The following SH3GL1 variants were observed in gnomAD, a reference collection of about 807,000 sequenced individuals.
SH3GL1 encodes endophilin-A2.
A neutral mutation model predicts 48.8 loss-of-function variants in SH3GL1; 21 were observed. The observed-to-expected ratio is 0.43, with a 90% confidence interval of 0.30 to 0.62. SH3GL1 has a LOEUF of 0.62. SH3GL1 is among the 20% of genes least tolerant of loss of function. SH3GL1 has a pLI of 0.11. For synonymous variants in SH3GL1, 282 were observed against 217.5 expected, an observed-to-expected ratio of 1.30 and a Z score of -2.61; for missense variants, 454 against 503.0, an observed-to-expected ratio of 0.90 and a Z score of 0.93.
intron 1 of SH3GL1, among the ~76,000 whole-genome samples, chr19:4,391,064 A>C (rs1973329165): frequency 6.6e-6 from 1 of 152,228 alleles, no homozygotes; most frequent in African/African-American, 2.4e-5. Flanking sequence ...ACACAGAGAC[A>C]CAGGCAGGTC....
At chr19:4,370,025 G>A (rs933173664) in intron 1 of SH3GL1, among the ~76,000 whole-genome samples, 23 of 107,436 alleles carry the variant, frequency 2.1e-4, no homozygotes, top group Admixed American at 8.9e-4. Flanking sequence ...TACTCACTGC[G>A]GTCTCCACAC....
At chr19:4,391,506 C>T (rs1973336805) in intron 1 of SH3GL1, among the ~76,000 whole-genome samples, 1 of 152,212 alleles carries the variant, frequency 6.6e-6, no homozygotes, top group African/African-American at 2.4e-5. Flanking sequence ...CAGCCCTTGA[C>T]TTGTTCTGGG....
intron 1 of SH3GL1, chr19:4,395,705 A>G (rs1973413249): frequency 6.6e-6 from 1 of 151,976 alleles, no homozygotes. Context: ...CAGGAGTTCA[A>G]CACCAGCCTG....
At chr19:4,383,926 G>A (rs1184370048) in intron 1 of SH3GL1, among the ~76,000 whole-genome samples, 11 of 152,202 alleles carry the variant, frequency 7.2e-5, no homozygotes, top group African/African-American at 2.7e-4. Context: ...TTTGACCTCG[G>A]CTAGGAACAT....
At chr19:4,394,902 CT>C (rs776976094) in intron 1 of SH3GL1, among the ~76,000 whole-genome samples, 26 of 152,360 alleles carry the variant, frequency 1.7e-4, no homozygotes, top group African/African-American at 5.5e-4. Context: ...TCCCTGGCCC[CT>C]ATCCCCTCGA....
rs757637498 is a variant in SH3GL1, at chr19:4,365,521, T to G, written c.292A>C (p.Ile98Leu). ...QSEGLLGECM[I>L]RHGKELGGES... is the part of the protein sequence containing the mutation. ...CCGCCCAGCTCCTTCCCGTGGCGGATCATGCACTCGCCCAGAAGCCCCTCC... is the reference window on the plus strand; with the variant it reads ...CCGCCCAGCTCCTTCCCGTGGCGGAGCATGCACTCGCCCAGAAGCCCCTCC... Residue 98 changes from isoleucine (I) to leucine (L), a missense_variant, in exon 4 of 10, where the codon ATC becomes CTC. Physicochemically the swap from Ile to Leu is conservative, Grantham distance 5. This residue lies in a region of SH3GL1 where 176 missense variants were observed against 256.2 expected (regional missense o/e 0.69). Transcript: ENST00000269886. The G allele has an allele frequency of 6.2e-7, 1 of 1,613,848 alleles. No homozygotes were observed. Among genetic ancestry groups the G allele is most frequent in the Non-Finnish European group, 8.5e-7 (1 of 1,180,026 alleles).
chr19:4,371,732 AC>A (rs143210642), intron 1 of SH3GL1, among the ~76,000 whole-genome samples: 1 of 152,234 alleles, frequency 6.6e-6, no homozygotes, highest in East Asian at 1.9e-4. Context: ...AGCAGAGTTC[AC>A]GGGTCCTCCC....
At chr19:4,365,376 T>G in intron 4 of SH3GL1, 106 bp downstream of exon 4, 2 of 1,470,130 alleles carry the variant, frequency 1.4e-6, no homozygotes, top group Non-Finnish European at 1.9e-6. Context: ...TGGGGGCCAC[T>G]GTACGTCCCC....
chr19:4,368,922 A>G (rs1194292047), intron 1 of SH3GL1, among the ~76,000 whole-genome samples: 2 of 152,126 alleles, frequency 1.3e-5, no homozygotes, highest in East Asian at 1.9e-4. Flanking sequence ...ATACAAAAAA[A>G]TTAGCCGGGC....
chr19:4,364,062 G>T, intron 5 of SH3GL1, 26 bp downstream of exon 5: 1 of 1,611,652 alleles, frequency 6.2e-7, no homozygotes, highest in South Asian at 1.1e-5. Context: ...GAAGGGACAG[G>T]CCCCAGGCTG....
rs931355049 is a variant in SH3GL1, at chr19:4,400,500, G to GC, written c.-133dup. 2.8e-5 allele frequency: 20 copies of GC among 708,052 alleles called. No homozygotes were observed. The highest frequency in any genetic ancestry group is 5.8e-5 in the Admixed American group (1 of 17,232). 43.9% of individuals were successfully genotyped at this position (708,052 alleles called of 1,614,324 possible). A position where few individuals can be genotyped will look rare whatever the true frequency, so the allele number is the denominator to read the frequency against. ...CCACCCGCTTGCCAGCTCCGCGCCC[G>GC]CCCCGGCGCCGCCTCAGCCGCTCGC... On this transcript the variant is annotated 5_prime_UTR_variant, in exon 1 of 10. Coordinates refer to ENST00000269886, the MANE Select transcript of SH3GL1 (RefSeq NM_003025.4). The surrounding 1 kb of genome is among the most constrained non-coding windows in gnomAD (Gnocchi z 4.1).
Position 4,361,618 on chromosome 19 carries a change from A to G in SH3GL1, c.1089T>C (p.Leu363=), listed in dbSNP as rs756399099. ...GFFPLSYVEV[L]VPLPQ ...GGGTGAGTCACTGCGGCAGGGGCAC[A>G]AGCACCTCCACGTAGCTGAGCGGGA... Residue 363 remains leucine (L), a synonymous_variant, in exon 10 of 10, where the codon CTT becomes CTC. Transcript: ENST00000269886. 1 of 1,601,906 alleles carries G rather than the reference A, an allele frequency of 6.2e-7. No homozygotes were observed. The highest frequency in any genetic ancestry group is 8.5e-7 in the Non-Finnish European group (1 of 1,177,402).
intron 1 of SH3GL1, among the ~76,000 whole-genome samples, chr19:4,386,710 C>T (rs893208807): frequency 6.6e-6 from 1 of 151,944 alleles, no homozygotes; most frequent in Admixed American, 6.6e-5. Context: ...GCACTCAGGA[C>T]CTGGCTGTTA....
chr19:4,369,442 C>T (rs993573232), intron 1 of SH3GL1, among the ~76,000 whole-genome samples: 6 of 152,246 alleles, frequency 3.9e-5, no homozygotes, highest in East Asian at 1.9e-4. Context: ...CCCGGCCCCA[C>T]GACCTGCCCA....
intron 1 of SH3GL1, among the ~76,000 whole-genome samples, chr19:4,380,561 G>A (rs1015492599): frequency 6.6e-6 from 1 of 152,164 alleles, no homozygotes; most frequent in African/African-American, 2.4e-5. Flanking sequence ...TGGAAGATGT[G>A]GGAGGGCGTC....
At chr19:4,379,425 C>CAA (rs973250795) in intron 1 of SH3GL1, among the ~76,000 whole-genome samples, 130 of 89,340 alleles carry the variant, frequency 1.5e-3, no homozygotes, top group Middle Eastern at 6.8e-3. Flanking sequence ...GATGCTGTCT[C>CAA]AAAAAAAAAA....
intron 1 of SH3GL1, among the ~76,000 whole-genome samples, chr19:4,377,844 T>A (rs1220024642): frequency 6.6e-6 from 1 of 151,720 alleles, no homozygotes; most frequent in East Asian, 1.9e-4. Context: ...ATGGCCCGAG[T>A]CCCCCCACCA....
At chr19:4,385,692 G>A (rs1436163413) in intron 1 of SH3GL1, among the ~76,000 whole-genome samples, 1 of 152,208 alleles carries the variant, frequency 6.6e-6, no homozygotes, top group Non-Finnish European at 1.5e-5. Flanking sequence ...GGCACAGAGT[G>A]CTCTGGGGCT....
Position 4,365,619 on chromosome 19 carries a change from C to T in SH3GL1, c.194G>A (p.Arg65Gln), listed in dbSNP as rs755132916. 6.2e-7 allele frequency: 1 copy of T among 1,614,016 alleles called. No homozygotes were observed. The highest frequency in any genetic ancestry group is 8.5e-7 in the Non-Finnish European group (1 of 1,180,032). The change falls in exon 4 of 10, where the codon CGG (arginine) becomes CAG (glutamine). Residue 65 changes from arginine (R) to glutamine (Q), a missense_variant. Arg to Gln is a conservative substitution (Grantham distance 43). Coordinates refer to ENST00000269886, the MANE Select transcript of SH3GL1 (RefSeq NM_003025.4). ...IEYLQPNPASRAKLTMLNTVS... is the reference protein window; with the variant it reads ...IEYLQPNPASQAKLTMLNTVS... ...CGTGTTGAGCATGGTCAGCTTAGCC[C>T]GCGAGGCTGGGATAGGATGGCCAGG...
Sources: gnomAD v4.1 joint callset for allele counts (sites outside exome capture counted in the v4.1 genomes callset) on GRCh38, gnomAD v4.1.1 for gene constraint, gnomAD v4.1.1 regional missense constraint, Gnocchi (gnomAD v3.1) non-coding constraint, MANE v1.5 for transcripts, NCBI Gene and HGNC (gene_info 2026-07-23, HGNC 2026-07-21) for gene names.